Variants in UGT1A8 observed in about 807,000 individuals in gnomAD.
UGT1A8 encodes UDP-glucuronosyltransferase 1A8.
A neutral mutation model predicts 45.3 loss-of-function variants in UGT1A8; 39 were observed. The ratio of observed to expected loss-of-function variants is 0.86; its 90% CI spans 0.67 to 1.12. The LOEUF (loss-of-function observed/expected upper bound fraction) is 1.12, where lower values mean the gene tolerates loss of function less well. Ranked by LOEUF, UGT1A8 falls within the 50% of genes most tolerant of loss-of-function variation. The pLI is 0.00. For synonymous variants in UGT1A8, 275 were observed against 249.2 expected (o/e 1.10, Z -0.97); for missense variants, 719 against 664.9 (o/e 1.08, Z -0.90).
rs1126785 is a variant in UGT1A8, at chr2:233,617,990, G to C, written c.283G>C (p.Asp95His). ...GGACCGGGAATTCATGGATTTCGCC[G>C]ATGCTCAATGGAAAGCACAAGTACG... ...DLDREFMDFA[D>H]AQWKAQVRSL... The change falls in exon 1 of 5, where the codon GAT becomes CAT. Residue 95 changes from aspartate to histidine, a missense_variant. Asp to His is a moderately conservative substitution (Grantham distance 81). Transcript: ENST00000373450. 16 of 1,614,046 alleles carry C rather than the reference G, an allele frequency of 9.9e-6. No individual in the cohort carries two copies. In the African/African-American group the frequency reaches 1.1e-4, roughly 11 times the overall value.
intron 1 of UGT1A8, chr2:233,671,962 C>T: frequency 2.5e-6 from 4 of 1,613,690 alleles, no homozygotes; most frequent in African/African-American, 1.3e-5. Context: ...GACCAGCCCC[C>T]TTCCTCTATG....
Position 233,621,089 on chromosome 2 carries a change from A to T in UGT1A8, c.855+2527A>T, listed in dbSNP as rs1447185991. On this transcript the variant is annotated intron_variant, in intron 1 of 4. Transcript: ENST00000373450. ...CTATCCAGGAGAATTACATCCAGGG[A>T]TGTAATTAAATACTTTAACAAAGAT... Among the ~76,000 whole-genome samples, 7 of 152,282 alleles carry T rather than the reference A, an allele frequency of 4.6e-5. No homozygotes were observed. The East Asian group carries it at 1.3e-3, about 29-fold the overall frequency.
At chr2:233,653,919 T>G (rs1254022840) in intron 1 of UGT1A8, among the ~76,000 whole-genome samples, 1 of 152,234 alleles carries the variant, frequency 6.6e-6, no homozygotes, top group East Asian at 1.9e-4. Context: ...CTTTCACAGA[T>G]GCAGATGTAC....
intron 1 of UGT1A8, chr2:233,748,021 T>C: frequency 1.9e-6 from 3 of 1,613,578 alleles, no homozygotes; most frequent in Non-Finnish European, 2.5e-6. Context: ...AGGCCGATCA[T>C]GCCCAACATG....
At chr2:233,636,850 A>T (rs28969682) in intron 1 of UGT1A8, 2 of 1,614,178 alleles carry the variant, frequency 1.2e-6, no homozygotes, top group East Asian at 4.5e-5. Context: ...TTCTCTATTA[A>T]TGAGTTCATC....
chr2:233,642,598 C>T (rs1425121429), intron 1 of UGT1A8, among the ~76,000 whole-genome samples: 2 of 152,184 alleles, frequency 1.3e-5, no homozygotes, highest in Admixed American at 6.5e-5. Flanking sequence ...AGTGTCTGGG[C>T]ATTGAAGAGT....
At chr2:233,743,080 T>G in intron 1 of UGT1A8, 1 of 343,656 alleles carries the variant, frequency 2.9e-6, no homozygotes. Flanking sequence ...TGGCATGAAG[T>G]GTTTATAAAT....
At chr2:233,695,225 A>C (rs1490508251) in intron 1 of UGT1A8, among the ~76,000 whole-genome samples, 1 of 150,674 alleles carries the variant, frequency 6.6e-6, no homozygotes, top group Non-Finnish European at 1.5e-5. Flanking sequence ...TCCTGGGTTC[A>C]AGCGATTCTC....
chr2:233,637,116 A>C lies in UGT1A8; in HGVS notation c.855+18554A>C, dbSNP rs1371110258. 2.5e-6 allele frequency: 4 copies of C among 1,613,854 alleles called. No homozygotes were observed. In the African/African-American group the frequency reaches 4.0e-5, roughly 16 times the overall value. Reference sequence around the variant, plus strand: ...TCCCCAATGATCTCTTAGGGTTCTCAGATGCCATGACTTTCAAGGAGAGAG... The same window carrying C: ...TCCCCAATGATCTCTTAGGGTTCTCCGATGCCATGACTTTCAAGGAGAGAG... On this transcript the variant is annotated intron_variant, in intron 1 of 4. Transcript: ENST00000373450.
rs2074503154 is a variant in UGT1A8 at position 233,680,937 on chromosome 2, A to G, written c.855+62375A>G. On this transcript the variant is annotated intron_variant, in intron 1 of 4. Transcript: ENST00000373450. ...TGAGGAAAGCCATTTAAAATAGGTGACAGTCACATTCCATCAAATTTCTGG... is the reference window on the plus strand; with the variant it reads ...TGAGGAAAGCCATTTAAAATAGGTGGCAGTCACATTCCATCAAATTTCTGG... Among the ~76,000 whole-genome samples, 3 of 152,126 alleles carry G rather than the reference A, an allele frequency of 2.0e-5. No homozygotes were observed. The South Asian group carries it at 6.2e-4, about 32-fold the overall frequency.
chr2:233,619,455 A>G (rs2072960305), intron 1 of UGT1A8, among the ~76,000 whole-genome samples: 1 of 152,104 alleles, frequency 6.6e-6, no homozygotes, highest in East Asian at 1.9e-4. Flanking sequence ...ATCTTAGTAG[A>G]CTAGAGTCCT....
chr2:233,682,586 C>T, intron 1 of UGT1A8: 1 of 1,613,922 alleles, frequency 6.2e-7, no homozygotes. Flanking sequence ...CTTGGAGGAA[C>T]ATTTATTTTG....
At chr2:233,731,204 C>T (rs755932690) in intron 1 of UGT1A8, among the ~76,000 whole-genome samples, 4 of 151,184 alleles carry the variant, frequency 2.6e-5, no homozygotes, top group Admixed American at 6.6e-5. Context: ...TTATAAAATA[C>T]GTGTTTATTT....
chr2:233,725,264 GGAGGCA>G lies in UGT1A8; in HGVS notation c.856-41722_856-41717del, dbSNP rs551912265. ...CAGAGGCAGAGGAGGCAGAGGCAGA[GGAGGCA>G]GAGGCAGAGGCAGAGGCAGAGGCAG... On this transcript the variant is annotated intron_variant, in intron 1 of 4. Transcript: ENST00000373450. Among the ~76,000 whole-genome samples, 500 of 58,540 alleles carry G rather than the reference GGAGGCA, an allele frequency of 8.5e-3. 122 individuals carry two copies. Among genetic ancestry groups the G allele is most frequent in the East Asian group, 0.035 (117 of 3,306 alleles). 38.4% of individuals were successfully genotyped at this position (58,540 alleles called of 152,430 possible). A position where few individuals can be genotyped will look rare whatever the true frequency, so the allele number is the denominator to read the frequency against.
chr2:233,700,007 A>T (rs965414411), intron 1 of UGT1A8, among the ~76,000 whole-genome samples: 5 of 152,204 alleles, frequency 3.3e-5, no homozygotes, highest in Admixed American at 1.3e-4. Context: ...TCAAAATGTC[A>T]CGAGTGCTGA....
intron 1 of UGT1A8, among the ~76,000 whole-genome samples, chr2:233,666,009 A>T (rs1287891465): frequency 6.6e-6 from 1 of 152,148 alleles, no homozygotes; most frequent in Admixed American, 6.5e-5. Context: ...TAAAGAAAAC[A>T]TGTTTATTTG....
chr2:233,628,083 T>A (rs1344391163), intron 1 of UGT1A8, among the ~76,000 whole-genome samples: 7 of 152,118 alleles, frequency 4.6e-5, no homozygotes, highest in African/African-American at 1.7e-4. Flanking sequence ...TAGTATATAC[T>A]ATAGGTAATT....
rs762488947 is a variant in UGT1A8, at chr2:233,772,318, C to T, written c.1352C>T (p.Pro451Leu). 5 of 1,614,112 alleles carry T rather than the reference C, an allele frequency of 3.1e-6. No homozygotes were observed. Among genetic ancestry groups the T allele is most frequent in the African/African-American group, 1.3e-5 (1 of 74,934 alleles). The change falls in exon 5 of 5, where the codon CCG (proline) becomes CTG (leucine). Residue 451 changes from proline to leucine, a missense_variant. Physicochemically the swap from Pro to Leu is moderately conservative, Grantham distance 98. Transcript: ENST00000373450. ...SSLHKDRPVE[P>L]LDLAVFWVEF... is the part of the protein sequence containing the mutation. ...CTTCACAAGGACCGCCCGGTGGAGC[C>T]GCTGGACCTGGCCGTGTTCTGGGTG...
At chr2:233,654,379 A>T (rs574270361) in intron 1 of UGT1A8, among the ~76,000 whole-genome samples, 3 of 152,258 alleles carry the variant, frequency 2.0e-5, no homozygotes, top group Admixed American at 2.0e-4. Context: ...CAGGATTGTG[A>T]TCCAAACCCT....
Sources: gnomAD v4.1 joint callset for allele counts (sites outside exome capture counted in the v4.1 genomes callset) on GRCh38, gnomAD v4.1.1 for gene constraint, MANE v1.5 for transcripts, NCBI Gene and HGNC (gene_info 2026-07-23, HGNC 2026-07-21) for gene names.